The following PCMTD2 variants were observed in gnomAD, a reference collection of about 807,000 sequenced individuals.
PCMTD2 encodes the protein protein-L-isoaspartate O-methyltransferase domain-containing protein 2.
In PCMTD2, 16 loss-of-function variants were observed where a neutral mutation model predicts 33.4. That is an observed-to-expected ratio of 0.48 (90% CI 0.32 to 0.73). The LOEUF is 0.73. Ranked by LOEUF, PCMTD2 falls within the 30% of genes least tolerant of loss-of-function variation. The pLI, the probability that PCMTD2 is intolerant of heterozygous loss-of-function variation, is 0.03. For missense variants in PCMTD2, 374 were observed against 449.9 expected (o/e 0.83, Z 1.53); for synonymous variants, 161 against 160.8 (o/e 1.00, Z -0.01).
intron 2 of PCMTD2, among the ~76,000 whole-genome samples, chr20:64,261,889 G>A (rs1985431056): frequency 6.6e-6 from 1 of 152,150 alleles, no homozygotes; most frequent in African/African-American, 2.4e-5. Flanking sequence ...GGAGAAATAG[G>A]TGATCAAGCT....
In PCMTD2 at chr20:64,273,695, C is replaced by T. The variant is rs1986004648; in HGVS notation, c.*95C>T. 4 of 1,080,232 alleles carry T rather than the reference C, an allele frequency of 3.7e-6. No individual in the cohort carries two copies. The highest frequency in any genetic ancestry group is 1.6e-5 in the African/African-American group (1 of 63,448). 66.9% of individuals were successfully genotyped at this position (1,080,232 alleles called of 1,614,324 possible). A position where few individuals can be genotyped will look rare whatever the true frequency, so the allele number is the denominator to read the frequency against. On this transcript the variant is annotated 3_prime_UTR_variant, in exon 6 of 6. Coordinates refer to ENST00000308824, the MANE Select transcript of PCMTD2 (RefSeq NM_018257.3). The stretch of plus-strand genomic sequence containing the variant: ...TGTTGAAGGGTCACCTGGAGGCAGA[C>T]GTTGTGGGGAAGGGAACTGCTGGGC...
intron 5 of PCMTD2, among the ~76,000 whole-genome samples, chr20:64,272,993 T>C (rs1985968032): frequency 6.6e-6 from 1 of 152,248 alleles, no homozygotes; most frequent in Non-Finnish European, 1.5e-5. Flanking sequence ...TTGCTTCCTT[T>C]CCCTTTCAAA....
At chr20:64,272,647 C>G (rs1466992660) in intron 5 of PCMTD2, among the ~76,000 whole-genome samples, 1 of 152,152 alleles carries the variant, frequency 6.6e-6, no homozygotes, top group Non-Finnish European at 1.5e-5. Context: ...GGTTGAAACC[C>G]CGTCTCTACT....
In PCMTD2 at chr20:64,259,938, A is replaced by G. The variant is rs958848051; in HGVS notation, c.-24-4A>G. 17 of 1,468,366 alleles carry G rather than the reference A, an allele frequency of 1.2e-5. No homozygotes were observed. The highest frequency in any genetic ancestry group is 1.6e-5 in the Non-Finnish European group (17 of 1,057,310). 91.0% of individuals were successfully genotyped at this position (1,468,366 alleles called of 1,614,324 possible). On this transcript the variant is annotated splice_region_variant and splice_polypyrimidine_tract_variant and intron_variant, in intron 1 of 5. Transcript: ENST00000308824. ...TCGCTCTTTTTAAACATTTTTAATT[A>G]TAGTATTGCCTAAGTGTAATCTTGA...
At position 64,273,695 on chromosome 20, in the gene PCMTD2, C is replaced by A; in HGVS notation, c.*95C>A. On this transcript the variant is annotated 3_prime_UTR_variant, in exon 6 of 6. Coordinates refer to ENST00000308824, the MANE Select transcript of PCMTD2 (RefSeq NM_018257.3). ...TGTTGAAGGGTCACCTGGAGGCAGA[C>A]GTTGTGGGGAAGGGAACTGCTGGGC... 4 of 1,080,230 alleles carry A rather than the reference C, an allele frequency of 3.7e-6. No homozygotes were observed. Among genetic ancestry groups the A allele is most frequent in the Non-Finnish European group, 5.3e-6 (4 of 760,124 alleles). 66.9% of individuals were successfully genotyped at this position (1,080,230 alleles called of 1,614,324 possible).
At chr20:64,269,370 G>A (rs532517900) in intron 5 of PCMTD2, among the ~76,000 whole-genome samples, 2 of 152,174 alleles carry the variant, frequency 1.3e-5, no homozygotes, top group African/African-American at 4.8e-5. Context: ...GAAACGAGCC[G>A]TTCCCTGTGG....
chr20:64,265,133 A>G, intron 3 of PCMTD2, 125 bp from the exon 4 acceptor site: 1 of 554,388 alleles, frequency 1.8e-6, no homozygotes, highest in East Asian at 3.0e-5. Flanking sequence ...CTTTTCTTCC[A>G]GCTCCTCACA....
At chr20:64,262,372 T>G (rs947683177) in intron 2 of PCMTD2, among the ~76,000 whole-genome samples, 1 of 152,202 alleles carries the variant, frequency 6.6e-6, no homozygotes, top group African/African-American at 2.4e-5. Flanking sequence ...ATCCCCTGTT[T>G]ACTGGAAATT....
At chr20:64,271,756 C>T (rs1046825087) in intron 5 of PCMTD2, 3 of 164,814 alleles carry the variant, frequency 1.8e-5, no homozygotes, top group South Asian at 1.6e-4. Context: ...TCAGAGGGAG[C>T]GGCTGTGCCT....
intron 3 of PCMTD2, 80 bp downstream of exon 3, chr20:64,264,611 T>C (rs1985574942): frequency 2.7e-6 from 2 of 749,486 alleles, no homozygotes; most frequent in Non-Finnish European, 4.8e-6. Flanking sequence ...AAAGAAATCA[T>C]GTGGTAGGAA....
chr20:64,275,879 A>G lies in PCMTD2; in HGVS notation c.*2279A>G, dbSNP rs1222000629. The stretch of plus-strand genomic sequence containing the variant: ...ACAAGTTTCAAGTTTATAGATATTA[A>G]GTTTGTAATGTGAGCATCAAATGTG... On this transcript the variant is annotated 3_prime_UTR_variant, in exon 6 of 6. Transcript: ENST00000308824. 6.6e-6 allele frequency: 1 copy of G among 152,322 alleles called. No individual in the cohort carries two copies. Among genetic ancestry groups the G allele is most frequent in the African/African-American group, 2.4e-5 (1 of 41,566 alleles). 9.4% of individuals were successfully genotyped at this position (152,322 alleles called of 1,614,324 possible). A position where few individuals can be genotyped will look rare whatever the true frequency, so the allele number is the denominator to read the frequency against.
In PCMTD2 at chr20:64,273,868, A is replaced by G. The variant is rs569035010; in HGVS notation, c.*268A>G. The G allele has an allele frequency of 2.6e-5, 9 of 341,528 alleles. No individual in the cohort carries two copies. Among genetic ancestry groups the G allele is most frequent in the Non-Finnish European group, 4.8e-5 (9 of 189,328 alleles). 21.2% of individuals were successfully genotyped at this position (341,528 alleles called of 1,614,324 possible). On this transcript the variant is annotated 3_prime_UTR_variant, in exon 6 of 6. Transcript: ENST00000308824. ...AGAGAATCTTCATAGAGAAAAAGAG[A>G]AGGCTGTTTCTTTTTCGGCTCTGAC...
intron 3 of PCMTD2, 45 bp from the exon 4 acceptor site, chr20:64,265,213 T>G (rs1568734542): frequency 4.8e-6 from 7 of 1,465,804 alleles, no homozygotes; most frequent in Non-Finnish European, 6.6e-6. Flanking sequence ...ATAGACTTGT[T>G]GCAATGTGAT....
chr20:64,264,809 C>T (rs114092956), intron 3 of PCMTD2, among the ~76,000 whole-genome samples: 92 of 152,274 alleles, frequency 6.0e-4, no homozygotes, highest in African/African-American at 1.4e-3. Context: ...AAAATTGTTG[C>T]ATTTGTCTCT....
intron 2 of PCMTD2, among the ~76,000 whole-genome samples, chr20:64,263,107 G>A (rs967553857): frequency 3.9e-5 from 6 of 152,196 alleles, no homozygotes; most frequent in African/African-American, 1.4e-4. Flanking sequence ...TGATAGTGAA[G>A]GTGAGGGGTC....
chr20:64,269,308 G>C (rs1174720883), intron 5 of PCMTD2, among the ~76,000 whole-genome samples: 2 of 152,190 alleles, frequency 1.3e-5, no homozygotes, highest in Non-Finnish European at 2.9e-5. Context: ...GCAGAGTTTG[G>C]GAAGGCAGGG....
chr20:64,273,689 G>A lies in PCMTD2; in HGVS notation c.*89G>A. 8.6e-7 allele frequency: 1 copy of A among 1,162,366 alleles called. No individual in the cohort carries two copies. The highest frequency in any genetic ancestry group is 1.7e-5 in the South Asian group (1 of 58,754). 72.0% of individuals were successfully genotyped at this position (1,162,366 alleles called of 1,614,324 possible). A position where few individuals can be genotyped will look rare whatever the true frequency, so the allele number is the denominator to read the frequency against. ...GTGTGCTGTTGAAGGGTCACCTGGA[G>A]GCAGACGTTGTGGGGAAGGGAACTG... On this transcript the variant is annotated 3_prime_UTR_variant, in exon 6 of 6. Transcript: ENST00000308824.
chr20:64,269,418 G>A (rs528722555), intron 5 of PCMTD2, among the ~76,000 whole-genome samples: 56 of 152,264 alleles, frequency 3.7e-4, no homozygotes, highest in Admixed American at 1.6e-3. Context: ...ACAATGTGGT[G>A]GGCAGTTTGG....
chr20:64,273,189 A>G (rs6062361), intron 5 of PCMTD2, 32 bp from the exon 6 acceptor site: 777,186 of 1,585,910 alleles, frequency 0.49, 197,884 homozygotes, highest in African/African-American at 0.72. Context: ...ACTCCGATGC[A>G]TTTGACTGTG....
Sources: gnomAD v4.1 joint callset for allele counts (sites outside exome capture counted in the v4.1 genomes callset) on GRCh38, gnomAD v4.1.1 for gene constraint, MANE v1.5 for transcripts, NCBI Gene and HGNC (gene_info 2026-07-23, HGNC 2026-07-21) for gene names.